Variants in ATAD3B observed in about 807,000 individuals in gnomAD.
ATAD3B encodes ATPase family AAA domain-containing protein 3B.
A neutral mutation model predicts 70.2 loss-of-function variants in ATAD3B; 59 were observed. That is an observed-to-expected ratio of 0.84 (90% CI 0.68 to 1.04). The LOEUF (loss-of-function observed/expected upper bound fraction) is 1.04. Among genes scored for constraint, ATAD3B ranks in the 50% least tolerant of loss-of-function variants. The pLI is 0.00. For missense variants in ATAD3B, 961 were observed against 913.4 expected (o/e 1.05, Z -0.67); for synonymous variants, 423 against 388.6 (o/e 1.09, Z -1.04).
At chr1:1,480,978 G>T (rs199506445) in intron 5 of ATAD3B, 42 bp downstream of exon 5, 1 of 1,580,582 alleles carries the variant, frequency 6.3e-7, no homozygotes, top group Non-Finnish European at 8.6e-7. Flanking sequence ...GGTGGCGGGG[G>T]CTGCTTGTGG....
At chr1:1,482,645 G>T in intron 7 of ATAD3B, 31 bp downstream of exon 7, 1 of 1,613,170 alleles carries the variant, frequency 6.2e-7, no homozygotes, top group South Asian at 1.1e-5. Flanking sequence ...GGGCTGGCAG[G>T]TGGCTGAGAG....
At chr1:1,499,921 G>A, downstream of ATAD3B, among the ~76,000 whole-genome samples, 1 of 139,824 alleles carries the variant, frequency 7.2e-6, no homozygotes. Flanking sequence ...TTGAGACAGA[G>A]TCTTGCTCTG....
chr1:1,483,502 T>G (rs1191409880), intron 7 of ATAD3B: 2 of 192,282 alleles, frequency 1.0e-5, no homozygotes, highest in Non-Finnish European at 2.2e-5. Flanking sequence ...CCAGGCCTGG[T>G]GGCTCACTGG....
downstream of ATAD3B, among the ~76,000 whole-genome samples, chr1:1,500,690 A>C (rs544461822): frequency 1.3e-5 from 2 of 151,718 alleles, no homozygotes; most frequent in South Asian, 2.1e-4. Flanking sequence ...GCAGTGGCTC[A>C]TGCCTGTAAT....
chr1:1,472,304 C>G (rs941121875), intron 1 of ATAD3B, among the ~76,000 whole-genome samples: 4 of 151,966 alleles, frequency 2.6e-5, no homozygotes, highest in Non-Finnish European at 2.9e-5. Flanking sequence ...AGGAGCGGGT[C>G]AGGTGCGAAA....
the ATAD3B span, among the ~76,000 whole-genome samples, chr1:1,503,842 C>T: frequency 2.0e-5 from 3 of 151,992 alleles, no homozygotes; most frequent in South Asian, 2.1e-4. Flanking sequence ...GAGACAGTGC[C>T]GCAGAGCCTC....
In ATAD3B at chr1:1,489,210, A is replaced by T. The variant is rs1271469297; in HGVS notation, c.1273A>T (p.Ile425Leu). The change falls in exon 13 of 16, where the codon ATA (isoleucine) becomes TTA (leucine). Residue 425 changes from isoleucine to leucine, a missense_variant. Coordinates refer to ENST00000673477, the MANE Select transcript of ATAD3B (RefSeq NM_031921.6). ...TGGAACCTTCTCTCTGCAGGAGGAGATAAGCAAGGACCTCAGAGCCACACT... is the reference window on the plus strand; with the variant it reads ...TGGAACCTTCTCTCTGCAGGAGGAGTTAAGCAAGGACCTCAGAGCCACACT... Reference protein sequence around the residue: ...AFLRKRATEEISKDLRATLNA... With the variant: ...AFLRKRATEELSKDLRATLNA... 2.0e-5 allele frequency: 33 copies of T among 1,613,386 alleles called. 1 individual carries two copies. The highest frequency in any genetic ancestry group is 2.4e-5 in the Non-Finnish European group (28 of 1,179,610).
intron 1 of ATAD3B, among the ~76,000 whole-genome samples, chr1:1,472,490 CG>C (rs1261928216): frequency 6.6e-6 from 1 of 151,930 alleles, no homozygotes; most frequent in Admixed American, 6.6e-5. Context: ...GCAGTTTCCA[CG>C]TAACAAGGGA....
In ATAD3B at chr1:1,479,931, CACAA is replaced by C. The variant is rs1163534790; in HGVS notation, c.444+827_444+830del. Among the ~76,000 whole-genome samples, 4 of 144,848 alleles carry C rather than the reference CACAA, an allele frequency of 2.8e-5. 1 individual carries two copies. The highest frequency in any genetic ancestry group is 2.1e-4 in the East Asian group (1 of 4,682). On this transcript the variant is annotated intron_variant, in intron 4 of 15. Coordinates refer to ENST00000673477, the MANE Select transcript of ATAD3B (RefSeq NM_031921.6). ...ACGGGCGCGCACACACCCGGACATG[CACAA>C]ACACCCACCTGCACACACGGGCACA... is the stretch of plus-strand genomic sequence containing the variant.
At chr1:1,503,462 G>C in the ATAD3B span, 1 of 841,304 alleles carries the variant, frequency 1.2e-6, no homozygotes, top group Non-Finnish European at 1.9e-6. Context: ...GGGGAGGCAG[G>C]GCTGGGGGCT....
chr1:1,491,765 G>A (rs1557428796), intron 15 of ATAD3B, among the ~76,000 whole-genome samples: 1 of 151,994 alleles, frequency 6.6e-6, no homozygotes, highest in Non-Finnish European at 1.5e-5. Context: ...AGCTGTATTA[G>A]TCAGTACAGG....
the ATAD3B span, among the ~76,000 whole-genome samples, chr1:1,507,258 C>CA: frequency 6.6e-6 from 1 of 152,172 alleles, no homozygotes; most frequent in Admixed American, 6.6e-5. Context: ...GTTCCTTACT[C>CA]AGAGGAAAAG....
intron 5 of ATAD3B, among the ~76,000 whole-genome samples, chr1:1,481,900 T>A (rs1570225184): frequency 1.3e-5 from 2 of 151,672 alleles, no homozygotes; most frequent in South Asian, 4.2e-4. Context: ...CTTAGCCTGT[T>A]GGTGGCGTGG....
chr1:1,493,804 A>G (rs1640648532), intron 15 of ATAD3B, among the ~76,000 whole-genome samples: 1 of 151,846 alleles, frequency 6.6e-6, no homozygotes, highest in South Asian at 2.1e-4. Context: ...TCCTTTAACT[A>G]TACTGCTAAA....
At chr1:1,503,638 T>C in the ATAD3B span, 3 of 1,611,862 alleles carry the variant, frequency 1.9e-6, no homozygotes, top group Non-Finnish European at 2.5e-6. Flanking sequence ...GACGCTGCAG[T>C]TGGAGCAACA....
At chr1:1,488,904 A>G (rs891766863) in intron 12 of ATAD3B, among the ~76,000 whole-genome samples, 9 of 151,908 alleles carry the variant, frequency 5.9e-5, no homozygotes, top group African/African-American at 2.2e-4. Context: ...GCTTGAGATT[A>G]CAGGTGTGCC....
rs1354228331 is a variant in ATAD3B at position 1,484,990 on chromosome 1, G to A, written c.751-26G>A. 5.0e-6 allele frequency: 8 copies of A among 1,591,676 alleles called. 1 individual carries two copies. The Admixed American group carries it at 8.7e-5, about 17-fold the overall frequency. On this transcript the variant is annotated intron_variant, in intron 7 of 15. Transcript: ENST00000673477. ...GGAGGGAGGGACGGTGGGGGCCGGT[G>A]CGCCAGTGCGGTGTCTCTGCTGCAG...
chr1:1,507,341 G>C, the ATAD3B span, among the ~76,000 whole-genome samples: 1 of 152,158 alleles, frequency 6.6e-6, no homozygotes, highest in Non-Finnish European at 1.5e-5. Flanking sequence ...TTTAGGGCGT[G>C]TGTTTCAATT....
rs904580364 is a variant in ATAD3B at position 1,485,830 on chromosome 1, G to A, written c.955G>A (p.Val319Met). The A allele has an allele frequency of 6.2e-7, 1 of 1,613,098 alleles. No individual in the cohort carries two copies. The highest frequency in any genetic ancestry group is 8.5e-7 in the Non-Finnish European group (1 of 1,179,486). Reference sequence around the variant, plus strand: ...ACCCCAGGACGTGCTGGAGGGTGTTGTGCTTAGTGTAAGTCGGTGTGCCTG... The same window carrying A: ...ACCCCAGGACGTGCTGGAGGGTGTTATGCTTAGTGTAAGTCGGTGTGCCTG... ...SRPQDVLEGV[V>M]LSPSLEARVR... The change falls in exon 9 of 16, where the codon GTG becomes ATG. Residue 319 changes from valine to methionine, a missense_variant. Around this residue, in one of 4 missense-constraint regions of ATAD3B, gnomAD observed 349 missense variants for 307.5 expected, o/e 1.14. Coordinates refer to ENST00000673477, the MANE Select transcript of ATAD3B (RefSeq NM_031921.6).
Sources: gnomAD v4.1 joint callset for allele counts (sites outside exome capture counted in the v4.1 genomes callset) on GRCh38, gnomAD v4.1.1 for gene constraint, gnomAD v4.1.1 regional missense constraint, MANE v1.5 for transcripts, NCBI Gene and HGNC (gene_info 2026-07-23, HGNC 2026-07-21) for gene names.